Variants in ZNF385D observed in about 807,000 individuals in gnomAD.
The protein encoded by ZNF385D is zinc finger protein 385D.
ZNF385D carries 15 observed loss-of-function variants against 35.8 expected under a neutral mutation model. That is an observed-to-expected ratio of 0.42 (90% CI 0.28 to 0.64). The LOEUF is 0.64. ZNF385D is among the 30% of genes least tolerant of loss of function. ZNF385D has a pLI of 0.23. For missense variants in ZNF385D, 474 were observed against 494.6 expected (o/e 0.96, Z 0.39); for synonymous variants, 212 against 186.8 (o/e 1.13, Z -1.10).
chr3:22,091,446 T>G (rs1246577590), intron 3 of ZNF385D, among the ~76,000 whole-genome samples: 1 of 152,108 alleles, frequency 6.6e-6, no homozygotes, highest in African/African-American at 2.4e-5. Context: ...AAGAACAAAG[T>G]GAGCATATCT....
intron 2 of ZNF385D, among the ~76,000 whole-genome samples, chr3:21,603,708 G>A (rs536322599): frequency 3.3e-5 from 5 of 152,262 alleles, no homozygotes; most frequent in African/African-American, 1.2e-4. Flanking sequence ...AGTACAAGTA[G>A]TAATCAATTT....
chr3:22,144,775 A>T (rs1704743251), intron 3 of ZNF385D, among the ~76,000 whole-genome samples: 1 of 152,108 alleles, frequency 6.6e-6, no homozygotes, highest in African/African-American at 2.4e-5. Context: ...ACAATTATAA[A>T]ATAAAATACA....
intron 3 of ZNF385D, among the ~76,000 whole-genome samples, chr3:21,775,654 T>C (rs922730056): frequency 2.6e-5 from 4 of 151,888 alleles, no homozygotes; most frequent in African/African-American, 7.2e-5. Context: ...TCCTCCTTCA[T>C]AGATGTTTGT....
chr3:21,512,397 A>G (rs1361532503), intron 3 of ZNF385D, among the ~76,000 whole-genome samples: 2 of 152,182 alleles, frequency 1.3e-5, no homozygotes, highest in African/African-American at 2.4e-5. Flanking sequence ...TAAACTAAGT[A>G]CTTCACTTTG....
intron 4 of ZNF385D, among the ~76,000 whole-genome samples, chr3:21,439,748 T>G (rs1006789366): frequency 6.6e-5 from 10 of 152,046 alleles, no homozygotes; most frequent in Admixed American, 6.6e-4. Context: ...ATAATGTACA[T>G]TTAAACCAAA....
chr3:22,193,327 G>T (rs71312037), intron 2 of ZNF385D, among the ~76,000 whole-genome samples: 2 of 151,924 alleles, frequency 1.3e-5, no homozygotes, highest in Admixed American at 1.3e-4. Flanking sequence ...CTTAGTCATT[G>T]TTTGTACACA....
At chr3:22,209,102 C>G (rs902303923) in intron 2 of ZNF385D, among the ~76,000 whole-genome samples, 1 of 151,874 alleles carries the variant, frequency 6.6e-6, no homozygotes, top group Non-Finnish European at 1.5e-5. Flanking sequence ...CATTCTGCTC[C>G]TCCGATTCAT....
Position 21,481,848 on chromosome 3 carries a change from T to C in ZNF385D, c.439+29013A>G, listed in dbSNP as rs573688475. ...AGGTGCTCAATATATAACTGCTGGA[T>C]AAATAGATCTAGTTCTATTTTTTGA... On this transcript the variant is annotated intron_variant, in intron 4 of 7. Transcript: ENST00000281523. Among the ~76,000 whole-genome samples the C allele has an allele frequency of 1.1e-4, 16 of 152,268 alleles. No individual in the cohort carries two copies. In the South Asian group the frequency reaches 3.1e-3, roughly 30 times the overall value.
At chr3:22,106,816 T>G (rs1394390207) in intron 3 of ZNF385D, among the ~76,000 whole-genome samples, 3 of 152,134 alleles carry the variant, frequency 2.0e-5, no homozygotes, top group Non-Finnish European at 4.4e-5. Flanking sequence ...TGGATCAGTA[T>G]CAGCATAGGT....
At chr3:21,450,641 A>G (rs1702402671) in intron 4 of ZNF385D, among the ~76,000 whole-genome samples, 1 of 152,162 alleles carries the variant, frequency 6.6e-6, no homozygotes. Context: ...TAAAAATACA[A>G]TGCTTTTCAC....
At chr3:21,857,172 C>G (rs547644682) in intron 3 of ZNF385D, among the ~76,000 whole-genome samples, 6 of 152,166 alleles carry the variant, frequency 3.9e-5, no homozygotes, top group African/African-American at 1.4e-4. Context: ...ACAGCCCTAT[C>G]AAATAGTATA....
At chr3:21,621,865 C>CTGTGTGTGTGTG (rs10580512) in intron 2 of ZNF385D, among the ~76,000 whole-genome samples, 1 of 146,152 alleles carries the variant, frequency 6.8e-6, no homozygotes, top group African/African-American at 2.5e-5. Flanking sequence ...CCTGTTACCA[C>CTGTGTGTGTGTG]TGTGTGTGTG....
intron 3 of ZNF385D, among the ~76,000 whole-genome samples, chr3:22,008,428 C>T (rs1416809001): frequency 6.7e-6 from 1 of 148,630 alleles, no homozygotes; most frequent in Non-Finnish European, 1.5e-5. Flanking sequence ...TCTCGGCTCA[C>T]TGCAGGCTCC....
chr3:21,629,791 G>A (rs1234651933), intron 2 of ZNF385D, among the ~76,000 whole-genome samples: 1 of 152,064 alleles, frequency 6.6e-6, no homozygotes, highest in Non-Finnish European at 1.5e-5. Flanking sequence ...TTAATATCTA[G>A]TCATGGATTA....
chr3:21,665,848 C>G (rs970474692), intron 1 of ZNF385D, among the ~76,000 whole-genome samples: 4 of 152,204 alleles, frequency 2.6e-5, no homozygotes, highest in Non-Finnish European at 5.9e-5. Flanking sequence ...TGTTCAGTCT[C>G]CCATATTTTG....
intron 2 of ZNF385D, among the ~76,000 whole-genome samples, chr3:22,342,276 C>CAAAAAA (rs766689054): frequency 3.7e-4 from 20 of 53,508 alleles, no homozygotes; most frequent in East Asian, 1.1e-3. Context: ...GACTCCGCCT[C>CAAAAAA]AAAAAAAAAA....
rs544819567 is a variant in ZNF385D, at chr3:21,700,287, A to C, written c.23-35259T>G. ...AAGGAAGTGGGGGAGTAAGCCATGT[A>C]GGTTTCTAGGGGAAGAAGCACTCCA... On this transcript the variant is annotated intron_variant, in intron 1 of 7. Transcript: ENST00000281523. Among the ~76,000 whole-genome samples, 6 of 152,246 alleles carry C rather than the reference A, an allele frequency of 3.9e-5. No homozygotes were observed. In the East Asian group the frequency reaches 1.2e-3, roughly 29 times the overall value.
At chr3:22,199,499 TAG>T (rs1264769841) in intron 2 of ZNF385D, among the ~76,000 whole-genome samples, 2 of 152,074 alleles carry the variant, frequency 1.3e-5, no homozygotes, top group Non-Finnish European at 2.9e-5. Context: ...GCAGCTTCCA[TAG>T]AGTCAGGAAA....
intron 2 of ZNF385D, chr3:21,579,823 C>T (rs564776105): frequency 1.3e-5 from 2 of 151,892 alleles, no homozygotes; most frequent in East Asian, 1.9e-4. Context: ...TCCAATCCTC[C>T]CCTTTTGCAT....
Sources: gnomAD v4.1 joint callset for allele counts (sites outside exome capture counted in the v4.1 genomes callset) on GRCh38, gnomAD v4.1.1 for gene constraint, MANE v1.5 for transcripts, NCBI Gene and HGNC (gene_info 2026-07-23, HGNC 2026-07-21) for gene names.